SLC38A8: variants seen among roughly 807,000 people sequenced by gnomAD.
The protein encoded by SLC38A8 is amino acid transporter SLC38A8.
In SLC38A8, 65 loss-of-function variants were observed where a neutral mutation model predicts 46.0. The observed-to-expected ratio is 1.41, with a 90% CI of 1.16 to 1.74. The LOEUF (loss-of-function observed/expected upper bound fraction) is 1.74. Ranked by LOEUF, SLC38A8 falls within the 40% of genes most tolerant of loss-of-function variation. The pLI, the probability that SLC38A8 is intolerant of heterozygous loss-of-function variation, is 0.00. For missense variants in SLC38A8, 998 were observed against 567.9 expected (o/e 1.76, Z -7.70); for synonymous variants, 447 against 243.7 (o/e 1.83, Z -7.77).
At chr16:84,027,606 C>G (rs913279140) in intron 6 of SLC38A8, among the ~76,000 whole-genome samples, 2 of 152,138 alleles carry the variant, frequency 1.3e-5, no homozygotes, top group Non-Finnish European at 2.9e-5. Context: ...CCCCCTTTTC[C>G]CAGCACCTTC....
chr16:84,024,440 A>G (rs2085136497), intron 6 of SLC38A8, among the ~76,000 whole-genome samples: 1 of 151,928 alleles, frequency 6.6e-6, no homozygotes, highest in Admixed American at 6.5e-5. Context: ...TGGCCTCCCT[A>G]AGTGCTGAGA....
chr16:84,015,868 G>T (rs2085019075), intron 9 of SLC38A8, among the ~76,000 whole-genome samples: 1 of 152,184 alleles, frequency 6.6e-6, no homozygotes, highest in African/African-American at 2.4e-5. Flanking sequence ...ACCATGGATG[G>T]CTAATTTTGT....
chr16:84,018,303 G>C (rs2085056121), intron 7 of SLC38A8, among the ~76,000 whole-genome samples: 1 of 143,736 alleles, frequency 7.0e-6, no homozygotes. Context: ...CACGATCTCG[G>C]CTCACTGCAA....
At position 84,017,357 on chromosome 16, in the gene SLC38A8, C is replaced by A. The variant is rs188510216; in HGVS notation, c.806-70G>T. The A allele has an allele frequency of 3.4e-4, 531 of 1,568,032 alleles. 2 individuals are homozygous for A. In the African/African-American group the frequency reaches 6.7e-3, roughly 20 times the overall value. On this transcript the variant is annotated intron_variant, in intron 7 of 10. Coordinates refer to ENST00000299709, the MANE Select transcript of SLC38A8 (RefSeq NM_001080442.3). ...TGCTGCCCCCTCCCCCACCAACAGA[C>A]AGACAGCGCCTGGCTTTACCACCTA... is the stretch of plus-strand genomic sequence containing the variant.
At chr16:84,029,215 C>T (rs115923916) in intron 6 of SLC38A8, among the ~76,000 whole-genome samples, 302 of 152,276 alleles carry the variant, frequency 2.0e-3, no homozygotes, top group African/African-American at 6.9e-3. Flanking sequence ...CCACACTCTA[C>T]GCGAAACCTA....
chr16:84,029,839 G>C (rs559769221), intron 5 of SLC38A8, among the ~76,000 whole-genome samples: 4 of 152,216 alleles, frequency 2.6e-5, no homozygotes, highest in Non-Finnish European at 5.9e-5. Flanking sequence ...CTTCCCTCTT[G>C]AAGGCTGCTG....
intron 10 of SLC38A8, among the ~76,000 whole-genome samples, chr16:84,010,751 G>A (rs2151110229): frequency 6.6e-6 from 1 of 152,190 alleles, no homozygotes; most frequent in East Asian, 1.9e-4. Context: ...CTCAAAAAGA[G>A]AAAAAGACAT....
chr16:84,016,427 T>C (rs1271554135), intron 9 of SLC38A8, 92 bp downstream of exon 9: 9 of 1,451,092 alleles, frequency 6.2e-6, no homozygotes, highest in Non-Finnish European at 8.4e-6. Flanking sequence ...GGCTCCCACC[T>C]TCCAGAACCT....
At chr16:84,010,238 T>G (rs1353711524) in intron 10 of SLC38A8, among the ~76,000 whole-genome samples, 1 of 151,830 alleles carries the variant, frequency 6.6e-6, no homozygotes, top group Non-Finnish European at 1.5e-5. Flanking sequence ...ACGAGGCCAA[T>G]TTTTGTATTT....
chr16:84,016,313 G>C, intron 9 of SLC38A8, among the ~76,000 whole-genome samples: 1 of 152,308 alleles, frequency 6.6e-6, no homozygotes, highest in South Asian at 2.1e-4. Context: ...CTCATCAGGA[G>C]CTAATGAGAT....
At chr16:84,023,249 T>C (rs1597260164) in intron 6 of SLC38A8, among the ~76,000 whole-genome samples, 2 of 152,090 alleles carry the variant, frequency 1.3e-5, no homozygotes, top group Non-Finnish European at 2.9e-5. Context: ...GTTCAAATGT[T>C]CAACTGAGGC....
At chr16:84,032,945 TGGGTGTGGGTAGGTGGGTGTGCATGGGG>T (rs764866690) in intron 4 of SLC38A8, among the ~76,000 whole-genome samples, 43 of 27,640 alleles carry the variant, frequency 1.6e-3, no homozygotes, top group Middle Eastern at 0.021. Context: ...TGTGCATGGG[TGGGTGTGGGTAGGTGGGTGTGCATGGGG>T]GGGTGTGGGT....
At chr16:84,035,657 A>C (rs58935267) in intron 3 of SLC38A8, among the ~76,000 whole-genome samples, 1 of 152,366 alleles carries the variant, frequency 6.6e-6, no homozygotes, top group African/African-American at 2.4e-5. Flanking sequence ...AAGAATGAGA[A>C]GAGAACTTCT....
At chr16:84,025,810 A>T (rs1054602393) in intron 6 of SLC38A8, among the ~76,000 whole-genome samples, 1 of 152,222 alleles carries the variant, frequency 6.6e-6, no homozygotes, top group Non-Finnish European at 1.5e-5. Flanking sequence ...GCCCTAGTTG[A>T]GCACAGCCCT....
At chr16:84,027,298 C>T (rs1280413861) in intron 6 of SLC38A8, among the ~76,000 whole-genome samples, 1 of 152,086 alleles carries the variant, frequency 6.6e-6, no homozygotes, top group Non-Finnish European at 1.5e-5. Flanking sequence ...TGCAGTGAGC[C>T]AAGATCACAC....
At chr16:84,026,459 T>G (rs2085165764) in intron 6 of SLC38A8, among the ~76,000 whole-genome samples, 1 of 152,146 alleles carries the variant, frequency 6.6e-6, no homozygotes, top group African/African-American at 2.4e-5. Context: ...ACTCCTGACC[T>G]CAGGTGATCC....
chr16:84,009,679 G>T lies in SLC38A8; in HGVS notation c.*105C>A. 4.1e-6 allele frequency: 4 copies of T among 968,278 alleles called. No individual in the cohort carries two copies. Among genetic ancestry groups the T allele is most frequent in the Non-Finnish European group, 6.1e-6 (4 of 656,558 alleles). 60.0% of individuals were successfully genotyped at this position (968,278 alleles called of 1,614,324 possible). Reference sequence around the variant, plus strand: ...GAGGCAGAAGGCATCAGTCTCTCCAGCATCTTTATGAGGAAAAGAAATGGC... The same window carrying T: ...GAGGCAGAAGGCATCAGTCTCTCCATCATCTTTATGAGGAAAAGAAATGGC... On this transcript the variant is annotated 3_prime_UTR_variant, in exon 11 of 11. Transcript: ENST00000299709.
At chr16:84,035,275 A>T (rs1330537219) in intron 3 of SLC38A8, among the ~76,000 whole-genome samples, 2 of 152,166 alleles carry the variant, frequency 1.3e-5, no homozygotes, top group Non-Finnish European at 2.9e-5. Flanking sequence ...ACCCATTAAG[A>T]GGTTCAGATA....
chr16:84,019,706 G>A (rs548733262), intron 7 of SLC38A8, among the ~76,000 whole-genome samples: 97 of 152,318 alleles, frequency 6.4e-4, no homozygotes, highest in South Asian at 2.1e-3. Context: ...AAAGTCCAGA[G>A]TGTGGTCTGT....
Sources: gnomAD v4.1 joint callset for allele counts (sites outside exome capture counted in the v4.1 genomes callset) on GRCh38, gnomAD v4.1.1 for gene constraint, MANE v1.5 for transcripts, NCBI Gene and HGNC (gene_info 2026-07-23, HGNC 2026-07-21) for gene names.